The following LPCAT1 variants were observed in gnomAD, a reference collection of about 807,000 sequenced individuals.
LPCAT1 encodes the protein 1-acylglycerol-3-phosphate O-acyltransferase.
In LPCAT1, 23 loss-of-function variants were observed where a neutral mutation model predicts 60.9. The observed-to-expected ratio is 0.38, with a 90% CI of 0.27 to 0.53. The LOEUF is 0.53. Ranked by LOEUF, LPCAT1 falls within the 20% of genes least tolerant of loss-of-function variation. LPCAT1 has a pLI of 0.82. For synonymous variants in LPCAT1, 340 were observed against 301.1 expected (o/e 1.13, Z -1.34); for missense variants, 622 against 723.6 (o/e 0.86, Z 1.61).
At chr5:1,514,617 G>A (rs947743739) in intron 1 of LPCAT1, among the ~76,000 whole-genome samples, 16 of 151,762 alleles carry the variant, frequency 1.1e-4, no homozygotes, top group Non-Finnish European at 2.2e-4. Context: ...TGCACCCTAC[G>A]CCGCCAGGCA....
chr5:1,508,862 C>T (rs78551991), intron 1 of LPCAT1, among the ~76,000 whole-genome samples: 3,264 of 152,344 alleles, frequency 0.021, 46 homozygotes, highest in Non-Finnish European at 0.037. Context: ...CTCGTCTCTG[C>T]CAAGGCCACC....
At chr5:1,500,048 T>A (rs530917791) in intron 2 of LPCAT1, among the ~76,000 whole-genome samples, 1 of 152,238 alleles carries the variant, frequency 6.6e-6, no homozygotes, top group African/African-American at 2.4e-5. Flanking sequence ...CTTGGCCCGG[T>A]TCCCCACCAA....
chr5:1,474,431 T>C lies in LPCAT1; in HGVS notation c.1025+129A>G, dbSNP rs1579764241. On this transcript the variant is annotated intron_variant, in intron 10 of 13. Coordinates refer to ENST00000283415, the MANE Select transcript of LPCAT1 (RefSeq NM_024830.5). ...GACACTATGTGGGCTTAAGTTGATATTTGAAAAAAGCCAGAATAATTAATA... is the reference window on the plus strand; with the variant it reads ...GACACTATGTGGGCTTAAGTTGATACTTGAAAAAAGCCAGAATAATTAATA... 2.5e-5 allele frequency: 32 copies of C among 1,269,936 alleles called. No homozygotes were observed. In the East Asian group the frequency reaches 5.8e-4, roughly 23 times the overall value. The allele number at this position is 1,269,936 out of a possible 1,614,324, so 78.7% of individuals were successfully genotyped here.
At chr5:1,479,946 G>A (rs1338566721) in intron 7 of LPCAT1, among the ~76,000 whole-genome samples, 1 of 151,812 alleles carries the variant, frequency 6.6e-6, no homozygotes, top group Admixed American at 6.6e-5. Flanking sequence ...CTCCAGCTCA[G>A]GAGACCTCGT....
At chr5:1,465,781 ATG>A (rs1438694536) in intron 13 of LPCAT1, among the ~76,000 whole-genome samples, 3 of 151,792 alleles carry the variant, frequency 2.0e-5, no homozygotes, top group Non-Finnish European at 1.5e-5. Context: ...CACGGTAAAC[ATG>A]CACACTTTCA....
At position 1,523,586 on chromosome 5, in the gene LPCAT1, G is replaced by T; in HGVS notation, c.135+124C>A. 1.6e-6 allele frequency: 1 copy of T among 626,524 alleles called. No individual in the cohort carries two copies. 38.8% of individuals were successfully genotyped at this position (626,524 alleles called of 1,614,324 possible). A position where few individuals can be genotyped will look rare whatever the true frequency, so the allele number is the denominator to read the frequency against. On this transcript the variant is annotated intron_variant, in intron 1 of 13. Coordinates refer to ENST00000283415, the MANE Select transcript of LPCAT1 (RefSeq NM_024830.5). The surrounding 1 kb of genome is among the most constrained non-coding windows in gnomAD (Gnocchi z 7.1). ...GGCGGCCGCGGGGAGGGAAGGCGCC[G>T]CGGCTCGCAGGGCCGCGCCGCGCCC... is the stretch of plus-strand genomic sequence containing the variant.
In LPCAT1 at chr5:1,462,735, G is replaced by A. The variant is rs956973261; in HGVS notation, c.*916C>T. On this transcript the variant is annotated 3_prime_UTR_variant, in exon 14 of 14. Coordinates refer to ENST00000283415, the MANE Select transcript of LPCAT1 (RefSeq NM_024830.5). Reference sequence around the variant, plus strand: ...GCGGCTGCCTTGCGCTTCCAGCTCGGGCCCTGCTCATTTGAACAATATCCA... The same window carrying A: ...GCGGCTGCCTTGCGCTTCCAGCTCGAGCCCTGCTCATTTGAACAATATCCA... The A allele has an allele frequency of 1.3e-5, 2 of 152,234 alleles. No individual in the cohort carries two copies. The highest frequency in any genetic ancestry group is 2.9e-5 in the Non-Finnish European group (2 of 68,064). The allele number at this position is 152,234 out of a possible 1,614,324, so 9.4% of individuals were successfully genotyped here.
At chr5:1,506,645 G>C (rs1736196136) in intron 1 of LPCAT1, among the ~76,000 whole-genome samples, 2 of 152,210 alleles carry the variant, frequency 1.3e-5, no homozygotes, top group African/African-American at 4.8e-5. Context: ...GGGAGGTGCT[G>C]GGTAGGCAAA....
intron 4 of LPCAT1, among the ~76,000 whole-genome samples, chr5:1,488,926 C>A (rs1467282897): frequency 1.3e-5 from 2 of 152,244 alleles, no homozygotes. Context: ...AGCAGGAGAG[C>A]CGAGCCCCAG....
At position 1,480,523 on chromosome 5, in the gene LPCAT1, G is replaced by A; in HGVS notation, c.761+419C>T. 1 of 227,966 alleles carries A rather than the reference G, an allele frequency of 4.4e-6. No homozygotes were observed. Among genetic ancestry groups the A allele is most frequent in the Non-Finnish European group, 7.3e-6 (1 of 137,296 alleles). 14.1% of individuals were successfully genotyped at this position (227,966 alleles called of 1,614,324 possible). A position where few individuals can be genotyped will look rare whatever the true frequency, so the allele number is the denominator to read the frequency against. ...TGCATAACTGACCTTCGGTGTCTCT[G>A]CTGGGGGGACAGGGACACTGACTCA... is the stretch of plus-strand genomic sequence containing the variant. On this transcript the variant is annotated intron_variant, in intron 7 of 13. Transcript: ENST00000283415. The surrounding 1 kb of genome is among the most constrained non-coding windows in gnomAD (Gnocchi z 6.4).
intron 10 of LPCAT1, 122 bp from the exon 11 acceptor site, chr5:1,474,232 A>G (rs1734806373): frequency 9.0e-7 from 1 of 1,109,800 alleles, no homozygotes. Context: ...GCTAGTTTTC[A>G]AGAAAAGGCA....
At chr5:1,465,488 G>A (rs535734115) in intron 13 of LPCAT1, among the ~76,000 whole-genome samples, 28 of 141,146 alleles carry the variant, frequency 2.0e-4, no homozygotes, top group Non-Finnish European at 2.3e-4. Context: ...CAAAACAAGC[G>A]CATGCGCACA....
Position 1,521,226 on chromosome 5 carries a change from CTGTAGTTAAA to C in LPCAT1, c.135+2474_135+2483del. 1.8e-6 allele frequency: 1 copy of C among 565,070 alleles called. No homozygotes were observed. The highest frequency in any genetic ancestry group is 2.2e-6 in the Non-Finnish European group (1 of 446,108). The allele number at this position is 565,070 out of a possible 1,614,324, so 35.0% of individuals were successfully genotyped here. A position where few individuals can be genotyped will look rare whatever the true frequency, so the allele number is the denominator to read the frequency against. Reference sequence around the variant, plus strand: ...GAGATACTTAAGCTCCTCACTAAATCTGTAGTTAAATGACAGATGGGCTGGCTGGAGGAGG... The same window carrying C: ...GAGATACTTAAGCTCCTCACTAAATCTGACAGATGGGCTGGCTGGAGGAGG... On this transcript the variant is annotated intron_variant, in intron 1 of 13. Transcript: ENST00000283415. The surrounding 1 kb of genome is among the most constrained non-coding windows in gnomAD (Gnocchi z 4.3).
In LPCAT1 at chr5:1,466,731, C is replaced by G; in HGVS notation, c.1420+18G>C. The G allele has an allele frequency of 6.2e-7, 1 of 1,602,896 alleles. No individual in the cohort carries two copies. The highest frequency in any genetic ancestry group is 1.7e-5 in the Admixed American group (1 of 59,372). On this transcript the variant is annotated intron_variant, in intron 13 of 13. Transcript: ENST00000283415. Reference sequence around the variant, plus strand: ...CCGCCCAAGGGTCGCGAGGACGACCCCACTCCTGCGGGCTCACCGAATGTG... The same window carrying G: ...CCGCCCAAGGGTCGCGAGGACGACCGCACTCCTGCGGGCTCACCGAATGTG...
At chr5:1,510,092 C>T (rs1161817437) in intron 1 of LPCAT1, among the ~76,000 whole-genome samples, 4 of 152,006 alleles carry the variant, frequency 2.6e-5, no homozygotes, top group Admixed American at 6.6e-5. Context: ...GTTTCTTTGT[C>T]TTTTTCTCAC....
intron 11 of LPCAT1, among the ~76,000 whole-genome samples, chr5:1,472,955 C>T (rs1243183351): frequency 2.6e-5 from 4 of 152,102 alleles, no homozygotes; most frequent in South Asian, 4.1e-4. Flanking sequence ...ACTTGCGGGG[C>T]AGCCTCCTTC....
Position 1,477,342 on chromosome 5 carries a change from A to G in LPCAT1, c.899+62T>C. ...ACGCTGTTGCCTATTTTAAATATAC[A>G]GAGAGCAGCACTCTGGGAGACACCC... On this transcript the variant is annotated intron_variant, in intron 9 of 13. Transcript: ENST00000283415. This position sits in a 1 kb window ranked among gnomAD's most constrained non-coding sequence, Gnocchi z 6.0. 2 of 1,347,610 alleles carry G rather than the reference A, an allele frequency of 1.5e-6. No individual in the cohort carries two copies. Among genetic ancestry groups the G allele is most frequent in the South Asian group, 1.2e-5 (1 of 83,740 alleles). The allele number at this position is 1,347,610 out of a possible 1,614,324, so 83.5% of individuals were successfully genotyped here.
rs11960645 is a variant in LPCAT1 at position 1,521,778 on chromosome 5, A to G, written c.135+1932T>C. ...GCCCAAAGCCTTCAATCTCGGGACC[A>G]GGAGCCTCTCGATGACCCCCTGCCC... On this transcript the variant is annotated intron_variant, in intron 1 of 13. Coordinates refer to ENST00000283415, the MANE Select transcript of LPCAT1 (RefSeq NM_024830.5). This position sits in a 1 kb window ranked among gnomAD's most constrained non-coding sequence, Gnocchi z 4.3. 0.13 allele frequency among the ~76,000 whole-genome samples: 19,134 copies of G among 152,080 alleles called. 1,404 individuals carry two copies. Among genetic ancestry groups the G allele is most frequent in the Middle Eastern group, 0.26 (76 of 294 alleles).
intron 1 of LPCAT1, among the ~76,000 whole-genome samples, chr5:1,509,975 G>A (rs1462041816): frequency 6.6e-6 from 1 of 152,210 alleles, no homozygotes; most frequent in Non-Finnish European, 1.5e-5. Context: ...CACGGGGACG[G>A]TTTCATTGGG....
Sources: allele counts gnomAD v4.1 joint callset (sites outside exome capture counted in the v4.1 genomes callset), GRCh38; gene constraint gnomAD v4.1.1; non-coding constraint Gnocchi (gnomAD v3.1); transcripts MANE v1.5; gene names NCBI Gene and HGNC (gene_info 2026-07-23, HGNC 2026-07-21).